Variants in MROH2B observed in about 807,000 individuals in gnomAD.
MROH2B encodes maestro heat-like repeat-containing protein family member 2B.
A neutral mutation model predicts 208.6 loss-of-function variants in MROH2B; 177 were observed. That is an observed-to-expected ratio of 0.85 (90% CI 0.75 to 0.96). The LOEUF (loss-of-function observed/expected upper bound fraction) is 0.96. Among genes scored for constraint, MROH2B ranks in the 40% least tolerant of loss-of-function variants. The pLI is 0.00. For synonymous variants in MROH2B, 728 were observed against 659.0 expected (o/e 1.10, Z -1.60); for missense variants, 2,002 against 1,878.7 (o/e 1.07, Z -1.21).
chr5:41,069,366 T>C (rs987438141), intron 2 of MROH2B, among the ~76,000 whole-genome samples: 6 of 152,184 alleles, frequency 3.9e-5, no homozygotes, highest in African/African-American at 1.4e-4. Context: ...GGGATTTTTG[T>C]AACAACCCTC....
chr5:41,048,186 AT>A, intron 16 of MROH2B, 137 bp downstream of exon 16: 1 of 1,046,210 alleles, frequency 9.6e-7, no homozygotes, highest in Non-Finnish European at 1.3e-6. Flanking sequence ...GAAGAAAAAA[AT>A]AGCTATCTAC....
At chr5:41,000,410 G>GA (rs1288640339) in intron 38 of MROH2B, 59 bp from the exon 39 acceptor site, 3 of 1,586,800 alleles carry the variant, frequency 1.9e-6, no homozygotes, top group Non-Finnish European at 2.6e-6. Context: ...TTCCAGAAGG[G>GA]AAAAAATGCT....
Position 40,999,858 on chromosome 5 carries a change from A to G in MROH2B, c.4483-79T>C, listed in dbSNP as rs1579894400. 1.1e-5 allele frequency: 15 copies of G among 1,322,912 alleles called. No homozygotes were observed. In the East Asian group the frequency reaches 3.5e-4, roughly 31 times the overall value. 81.9% of individuals were successfully genotyped at this position (1,322,912 alleles called of 1,614,324 possible). A position where few individuals can be genotyped will look rare whatever the true frequency, so the allele number is the denominator to read the frequency against. The stretch of plus-strand genomic sequence containing the variant: ...ATTTGGCATCCTATAGGTCCTCAGA[A>G]CGGATTTGTAAAGGCCAGTGAGCAC... On this transcript the variant is annotated intron_variant, in intron 39 of 41. Transcript: ENST00000399564.
At chr5:41,069,108 C>T (rs898836288) in intron 2 of MROH2B, among the ~76,000 whole-genome samples, 6 of 152,114 alleles carry the variant, frequency 3.9e-5, no homozygotes, top group African/African-American at 1.2e-4. Flanking sequence ...TTCTCTCTGC[C>T]TAATTTTTTC....
At position 41,049,277 on chromosome 5, in the gene MROH2B, G is replaced by C; in HGVS notation, c.1501+3C>G. 6.2e-7 allele frequency: 1 copy of C among 1,613,128 alleles called. No homozygotes were observed. Reference sequence around the variant, plus strand: ...GCTTTTCTGTGTTTATGAATGTACAGACCAGCTCCTGTAGAGACGACAAGT... The same window carrying C: ...GCTTTTCTGTGTTTATGAATGTACACACCAGCTCCTGTAGAGACGACAAGT... On this transcript the variant is annotated splice_donor_region_variant and intron_variant, in intron 14 of 41. Transcript: ENST00000399564.
chr5:41,049,039 G>T, intron 15 of MROH2B, 62 bp downstream of exon 15: 1 of 1,470,154 alleles, frequency 6.8e-7, no homozygotes, highest in South Asian at 1.2e-5. Flanking sequence ...GCACTTATTT[G>T]GAACTGAACT....
chr5:41,054,891 A>G (rs1464132380), intron 10 of MROH2B, 51 bp from the exon 11 acceptor site: 17 of 1,239,884 alleles, frequency 1.4e-5, no homozygotes, highest in Non-Finnish European at 1.3e-5. Flanking sequence ...GAAGTACAGT[A>G]TGTTCTAGGA....
chr5:41,017,084 T>C lies in MROH2B; in HGVS notation c.2884+766A>G, dbSNP rs148718638. Among the ~76,000 whole-genome samples, 448 of 152,272 alleles carry C rather than the reference T, an allele frequency of 2.9e-3. 3 individuals are homozygous for C. The highest frequency in any genetic ancestry group is 0.01 in the African/African-American group (425 of 41,566). On this transcript the variant is annotated intron_variant, in intron 28 of 41. Transcript: ENST00000399564. ...ATAAATATTTTGAATACCTAAAGAATGATGTGTGGAACATAGGCAGGCATA... is the reference window on the plus strand; with the variant it reads ...ATAAATATTTTGAATACCTAAAGAACGATGTGTGGAACATAGGCAGGCATA...
chr5:41,045,839 G>A lies in MROH2B; in HGVS notation c.1743C>T (p.Ser581=). The stretch of plus-strand genomic sequence containing the variant: ...AGGCCACATCACTGATCTTCCATAA[G>A]GATTCTTTGAGCAACTGTTGTAGGA... ...ETMLLQLLKE[S]LWKISDVAWT... Residue 581 remains serine, a synonymous_variant, in exon 18 of 42, where the codon TCC becomes TCT. Coordinates refer to ENST00000399564, the MANE Select transcript of MROH2B (RefSeq NM_173489.5). The A allele has an allele frequency of 1.9e-6, 3 of 1,611,330 alleles. No homozygotes were observed. The highest frequency in any genetic ancestry group is 2.5e-6 in the Non-Finnish European group (3 of 1,178,196).
intron 30 of MROH2B, among the ~76,000 whole-genome samples, chr5:41,010,732 C>T (rs1022341887): frequency 2.0e-5 from 3 of 152,156 alleles, no homozygotes; most frequent in Admixed American, 6.5e-5. Context: ...ATAGACTGTA[C>T]AACACCAGGA....
chr5:41,019,358 AAG>A (rs1232025034), intron 24 of MROH2B, among the ~76,000 whole-genome samples: 25 of 143,550 alleles, frequency 1.7e-4, no homozygotes, highest in Non-Finnish European at 3.2e-4. Flanking sequence ...GAGAGTGAGA[AAG>A]AGAGAGAGAG....
chr5:41,061,684 G>A lies in MROH2B; in HGVS notation c.501C>T (p.Asn167=). 1 of 1,613,844 alleles carries A rather than the reference G, an allele frequency of 6.2e-7. No individual in the cohort carries two copies. The highest frequency in any genetic ancestry group is 8.5e-7 in the Non-Finnish European group (1 of 1,179,792). The change falls in exon 6 of 42, where the codon AAC becomes AAT. Residue 167 remains asparagine, a synonymous_variant. Coordinates refer to ENST00000399564, the MANE Select transcript of MROH2B (RefSeq NM_173489.5). The part of the protein sequence containing the change: ...KFSKAIYKYV[N]HWRDFPYPRL... The stretch of plus-strand genomic sequence containing the variant: ...TGGGGTAGGGAAAATCTCTCCAGTG[G>A]TTGACATATTTGTAAATGGCTTTGC...
At chr5:41,000,130 A>C in intron 39 of MROH2B, 90 bp downstream of exon 39, 3 of 1,542,250 alleles carry the variant, frequency 1.9e-6, no homozygotes, top group Non-Finnish European at 2.6e-6. Flanking sequence ...GGCTCTGGCC[A>C]GAAATTCCTT....
rs1486943621 is a variant in MROH2B at position 41,039,536 on chromosome 5, C to G, written c.1973G>C (p.Gly658Ala). 6.3e-7 allele frequency: 1 copy of G among 1,595,296 alleles called. No individual in the cohort carries two copies. Among genetic ancestry groups the G allele is most frequent in the East Asian group, 2.2e-5 (1 of 44,652 alleles). ...ATCCAAATGGTTCTCGGCACAGTAT[C>G]CTAAAATAGATGTTATTCCCTAAAA... The part of the protein sequence containing the change: ...DQRQGITSIL[G>A]YCAENHLDIV... The change falls in exon 20 of 42, where the codon GGA becomes GCA. Residue 658 changes from glycine to alanine, a missense_variant. Transcript: ENST00000399564.
Position 40,999,771 on chromosome 5 carries a change from T to G in MROH2B, c.4491A>C (p.Lys1497Asn). 1.9e-6 allele frequency: 3 copies of G among 1,613,384 alleles called. No individual in the cohort carries two copies. The highest frequency in any genetic ancestry group is 2.5e-6 in the Non-Finnish European group (3 of 1,179,476). ...GGAGGATCCACAGAATTTCCTGGTTTTTCTTGGCCTAGAAGAGATGTGAAT... is the reference window on the plus strand; with the variant it reads ...GGAGGATCCACAGAATTTCCTGGTTGTTCTTGGCCTAGAAGAGATGTGAAT... ...YRQFCVKLAK[K>N]NQEILWILHT... Residue 1497 changes from lysine (K) to asparagine (N), a missense_variant, in exon 40 of 42, where the codon AAA becomes AAC. Coordinates refer to ENST00000399564, the MANE Select transcript of MROH2B (RefSeq NM_173489.5).
intron 24 of MROH2B, among the ~76,000 whole-genome samples, chr5:41,030,663 G>A (rs10053719): frequency 0.031 from 4,723 of 151,922 alleles, 82 homozygotes; most frequent in East Asian, 0.046. Context: ...CCCACATAGG[G>A]AAAGCAATAG....
Position 41,018,510 on chromosome 5 carries a change from C to T in MROH2B, c.2674-80G>A. 4 of 1,511,140 alleles carry T rather than the reference C, an allele frequency of 2.6e-6. No homozygotes were observed. In the South Asian group the frequency reaches 3.6e-5, roughly 14 times the overall value. The allele number at this position is 1,511,140 out of a possible 1,614,324, so 93.6% of individuals were successfully genotyped here. ...TTCATATTCTCTTTTTCTGTCTCTG[C>T]CTCTTTTGTAACACGGTGCTCACCT... is the stretch of plus-strand genomic sequence containing the variant. On this transcript the variant is annotated intron_variant, in intron 26 of 41. Transcript: ENST00000399564.
intron 29 of MROH2B, among the ~76,000 whole-genome samples, chr5:41,013,786 G>A (rs1049821140): frequency 3.9e-5 from 6 of 152,110 alleles, no homozygotes; most frequent in South Asian, 2.1e-4. Flanking sequence ...TTATGTGTCG[G>A]GCACCTTTTA....
At chr5:40,998,981 A>C (rs1355124600) in intron 40 of MROH2B, among the ~76,000 whole-genome samples, 1 of 152,158 alleles carries the variant, frequency 6.6e-6, no homozygotes, top group Admixed American at 6.5e-5. Context: ...TGTCTTCAAA[A>C]ATTTCATAAT....
Sources: gnomAD v4.1 joint callset for allele counts (sites outside exome capture counted in the v4.1 genomes callset) on GRCh38, gnomAD v4.1.1 for gene constraint, MANE v1.5 for transcripts, NCBI Gene and HGNC (gene_info 2026-07-23, HGNC 2026-07-21) for gene names.